The following SMARCAD1 variants were observed in gnomAD, a reference collection of about 807,000 sequenced individuals.
SMARCAD1 encodes SNF2 related chromatin remodeling ATPase with DExD box 1.
Under a neutral mutation model 127.1 loss-of-function variants are expected in SMARCAD1, and 25 were observed. That is an observed-to-expected ratio of 0.20 (90% confidence interval 0.14 to 0.27). SMARCAD1 has a LOEUF of 0.27. Among genes scored for constraint, SMARCAD1 ranks in the 10% least tolerant of loss-of-function variants. The pLI, the probability that SMARCAD1 is intolerant of heterozygous loss-of-function variation, is 1.00. For missense variants in SMARCAD1, 807 were observed against 1,206.0 expected, an observed-to-expected ratio of 0.67 and a Z score of 4.90; for synonymous variants, 400 against 396.9, an observed-to-expected ratio of 1.01 and a Z score of -0.09.
intron 6 of SMARCAD1, chr4:94,248,552 C>T (rs1221846698): frequency 4.4e-6 from 2 of 455,930 alleles, no homozygotes; most frequent in Admixed American, 2.4e-5. Flanking sequence ...TGGGTTTCAC[C>T]AGTATGTCTT....
intron 3 of SMARCAD1, among the ~76,000 whole-genome samples, chr4:94,232,791 C>T (rs925855713): frequency 1.3e-5 from 2 of 151,736 alleles, no homozygotes; most frequent in African/African-American, 4.8e-5. Context: ...GATAAAATCT[C>T]CTGGGAAACA....
At chr4:94,253,368 C>A in intron 9 of SMARCAD1, 1 of 1,291,018 alleles carries the variant, frequency 7.7e-7, no homozygotes, top group South Asian at 1.3e-5. Context: ...AGACACCATG[C>A]AGAAAGCAAG....
rs531027540 is a variant in SMARCAD1 at position 94,271,788 on chromosome 4, G to T, written c.1572+970G>T. Among the ~76,000 whole-genome samples, 7 of 152,272 alleles carry T rather than the reference G, an allele frequency of 4.6e-5. No homozygotes were observed. The South Asian group carries it at 1.4e-3, about 32-fold the overall frequency. ...CAGCTTTGCCTTTCAGGAGCTATCTGATCCTTTCCAGTTGACCTAATCTCT... is the reference window on the plus strand; with the variant it reads ...CAGCTTTGCCTTTCAGGAGCTATCTTATCCTTTCCAGTTGACCTAATCTCT... On this transcript the variant is annotated intron_variant, in intron 11 of 23. Transcript: ENST00000354268.
At position 94,208,036 on chromosome 4, in the gene SMARCAD1, G is replaced by C. The variant is rs1195344754; in HGVS notation, c.-84G>C. The C allele has an allele frequency of 2.2e-6, 1 of 456,284 alleles. No homozygotes were observed. Among genetic ancestry groups the C allele is most frequent in the Admixed American group, 2.4e-5 (1 of 42,176 alleles). The allele number at this position is 456,284 out of a possible 1,614,324, so 28.3% of individuals were successfully genotyped here. ...GTGGGCGGGCGCGAGGCCCGCTAGG[G>C]GGTTATACTGGGGAACGTGCCTGCG... is the stretch of plus-strand genomic sequence containing the variant. On this transcript the variant is annotated 5_prime_UTR_variant, in exon 1 of 24. Coordinates refer to ENST00000354268, the MANE Select transcript of SMARCAD1 (RefSeq NM_020159.5).
intron 2 of SMARCAD1, among the ~76,000 whole-genome samples, chr4:94,221,947 C>G (rs1330117781): frequency 6.6e-6 from 1 of 152,170 alleles, no homozygotes; most frequent in Non-Finnish European, 1.5e-5. Context: ...TGGCAATGGG[C>G]AGCAAACTTT....
chr4:94,234,970 G>T (rs549060188), intron 4 of SMARCAD1, among the ~76,000 whole-genome samples: 1 of 152,186 alleles, frequency 6.6e-6, no homozygotes, highest in Non-Finnish European at 1.5e-5. Context: ...ACATGGCCAT[G>T]TGAGCTGTCA....
chr4:94,241,809 T>G (rs2087170), intron 6 of SMARCAD1, among the ~76,000 whole-genome samples: 60,309 of 151,940 alleles, frequency 0.4, 12,645 homozygotes, highest in East Asian at 0.72. Flanking sequence ...AAGTCTTACC[T>G]TGTTGACTTG....
At chr4:94,250,984 T>G in intron 8 of SMARCAD1, 151 bp downstream of exon 8, 1 of 603,342 alleles carries the variant, frequency 1.7e-6, no homozygotes, top group Non-Finnish European at 2.9e-6. Context: ...AAACATTCTT[T>G]AACAACCAGT....
chr4:94,239,297 A>G (rs1332389576), intron 5 of SMARCAD1, among the ~76,000 whole-genome samples: 1 of 152,172 alleles, frequency 6.6e-6, no homozygotes, highest in Non-Finnish European at 1.5e-5. Context: ...GACCTTTTTA[A>G]ATACCTGTAA....
chr4:94,225,210 TAAG>T (rs1744805459), intron 2 of SMARCAD1, among the ~76,000 whole-genome samples: 1 of 152,170 alleles, frequency 6.6e-6, no homozygotes, highest in South Asian at 2.1e-4. Flanking sequence ...TTCGGTGACT[TAAG>T]AAATTTATTT....
chr4:94,282,238 A>C (rs1281044754), intron 21 of SMARCAD1, among the ~76,000 whole-genome samples: 87 of 102,654 alleles, frequency 8.5e-4, no homozygotes, highest in Non-Finnish European at 1.2e-3. Flanking sequence ...CTGGGACTAC[A>C]GGCGCCTGCT....
At chr4:94,280,372 A>G (rs989231019) in intron 19 of SMARCAD1, among the ~76,000 whole-genome samples, 1 of 152,126 alleles carries the variant, frequency 6.6e-6, no homozygotes, top group African/African-American at 2.4e-5. Flanking sequence ...ATGTTATTTC[A>G]TCTGTAAATA....
chr4:94,251,061 A>G (rs1749207238), intron 8 of SMARCAD1, among the ~76,000 whole-genome samples: 1 of 152,106 alleles, frequency 6.6e-6, no homozygotes, highest in Non-Finnish European at 1.5e-5. Context: ...ATCTTTTTCT[A>G]TTTGTTCAGT....
chr4:94,246,865 T>C (rs902849785), intron 6 of SMARCAD1, among the ~76,000 whole-genome samples: 9 of 152,142 alleles, frequency 5.9e-5, no homozygotes, highest in African/African-American at 2.2e-4. Context: ...TAAAAACGGA[T>C]TGTTTCTGTT....
chr4:94,231,989 G>A (rs1025519792), intron 3 of SMARCAD1, among the ~76,000 whole-genome samples: 9 of 151,994 alleles, frequency 5.9e-5, no homozygotes, highest in African/African-American at 2.2e-4. Flanking sequence ...AGCCTCCCTA[G>A]TAGGTGGGAT....
chr4:94,210,703 G>A (rs1292875472), intron 2 of SMARCAD1, among the ~76,000 whole-genome samples: 2 of 152,042 alleles, frequency 1.3e-5, no homozygotes, highest in Non-Finnish European at 2.9e-5. Flanking sequence ...ACTTTGGGAT[G>A]CAAAGGTGGG....
intron 2 of SMARCAD1, among the ~76,000 whole-genome samples, chr4:94,214,708 C>T (rs1169364811): frequency 1.3e-5 from 2 of 152,026 alleles, no homozygotes; most frequent in Non-Finnish European, 2.9e-5. Context: ...CATATTTTCC[C>T]TGGGGGGGAT....
chr4:94,227,948 G>A (rs1175714057), intron 3 of SMARCAD1, among the ~76,000 whole-genome samples: 1 of 152,160 alleles, frequency 6.6e-6, no homozygotes, highest in Non-Finnish European at 1.5e-5. Context: ...GGGGAACTCT[G>A]GATTTTTAGA....
chr4:94,275,796 C>CTTTTTTTTTT lies in SMARCAD1; in HGVS notation c.1809-534_1809-525dup, dbSNP rs535710589. ...TGTCCGATTGTAACATTAACATTTT[C>CTTTTTTTTTT]TTTTTTTTTTTTTTTTTTGAGACGG... On this transcript the variant is annotated intron_variant, in intron 14 of 23. Transcript: ENST00000354268. Among the ~76,000 whole-genome samples the CTTTTTTTTTT allele has an allele frequency of 4.3e-4, 37 of 85,400 alleles. 1 individual carries two copies. Among genetic ancestry groups the CTTTTTTTTTT allele is most frequent in the African/African-American group, 8.6e-4 (23 of 26,698 alleles). The allele number at this position is 85,400 out of a possible 152,430, so 56.0% of individuals were successfully genotyped here.
Sources: gnomAD v4.1 joint callset for allele counts (sites outside exome capture counted in the v4.1 genomes callset) on GRCh38, gnomAD v4.1.1 for gene constraint, MANE v1.5 for transcripts, NCBI Gene and HGNC (gene_info 2026-07-23, HGNC 2026-07-21) for gene names.